The following MYOM1 variants were observed in gnomAD, a reference collection of about 807,000 sequenced individuals.
MYOM1 encodes the protein myomesin-1.
MYOM1 carries 164 observed loss-of-function variants against 205.3 expected under a neutral mutation model. The observed-to-expected ratio is 0.80, with a 90% confidence interval of 0.70 to 0.91. The LOEUF (loss-of-function observed/expected upper bound fraction) is 0.91, where lower values mean the gene tolerates loss of function less well. MYOM1 is among the 40% of genes least tolerant of loss of function. The pLI, the probability that MYOM1 is intolerant of heterozygous loss-of-function variation, is 0.00. For synonymous variants in MYOM1, 772 were observed against 789.4 expected (o/e 0.98, Z 0.37); for missense variants, 2,011 against 2,127.3 (o/e 0.95, Z 1.08).
At chr18:3,155,135 C>T (rs2080278208) in intron 10 of MYOM1, 47 bp from the exon 11 acceptor site, 1 of 1,550,644 alleles carries the variant, frequency 6.4e-7, no homozygotes. Context: ...GACATGCTGT[C>T]AGTCGGCAGG....
intron 14 of MYOM1, among the ~76,000 whole-genome samples, chr18:3,141,146 G>A (rs775544604): frequency 2.0e-4 from 31 of 152,056 alleles, no homozygotes; most frequent in Non-Finnish European, 3.4e-4. Flanking sequence ...TTGCGTGGCC[G>A]GCTCTCCTAT....
intron 19 of MYOM1, 24 bp downstream of exon 19, chr18:3,126,677 C>T (rs764793371): frequency 1.3e-6 from 2 of 1,598,650 alleles, no homozygotes; most frequent in Non-Finnish European, 1.7e-6. Flanking sequence ...GGACACGCCA[C>T]ACTACAGAAA....
At chr18:3,153,453 A>G (rs1183992897) in intron 11 of MYOM1, among the ~76,000 whole-genome samples, 1 of 152,228 alleles carries the variant, frequency 6.6e-6, no homozygotes, top group Non-Finnish European at 1.5e-5. Context: ...TGCTTAATAA[A>G]TAATAGCCAC....
intron 2 of MYOM1, among the ~76,000 whole-genome samples, chr18:3,214,150 A>C (rs914311572): frequency 4.6e-5 from 7 of 152,232 alleles, no homozygotes; most frequent in Non-Finnish European, 1.0e-4. Context: ...CCGAATTTTA[A>C]GTATTTGCTA....
At chr18:3,192,095 G>GT (rs2080919110) in intron 3 of MYOM1, among the ~76,000 whole-genome samples, 3 of 152,182 alleles carry the variant, frequency 2.0e-5, no homozygotes, top group Non-Finnish European at 2.9e-5. Flanking sequence ...GGGAGAAGAT[G>GT]TTAGGAGTAA....
At chr18:3,180,761 G>C (rs1480108163) in intron 5 of MYOM1, among the ~76,000 whole-genome samples, 1 of 151,942 alleles carries the variant, frequency 6.6e-6, no homozygotes, top group Admixed American at 6.6e-5. Context: ...TTTCCTTTAT[G>C]TGTGTAAAAC....
intron 37 of MYOM1, 42 bp from the exon 38 acceptor site, chr18:3,067,597 T>C: frequency 6.3e-7 from 1 of 1,580,636 alleles, no homozygotes; most frequent in Non-Finnish European, 8.6e-7. Context: ...ATAAATTAGA[T>C]GTAATAGACA....
chr18:3,231,690 C>T, the MYOM1 span, among the ~76,000 whole-genome samples: 3 of 151,698 alleles, frequency 2.0e-5, no homozygotes, highest in African/African-American at 4.8e-5. Context: ...ACTACAGGTG[C>T]GTGCCACCAC....
chr18:3,178,680 C>T (rs2080685845), intron 5 of MYOM1, among the ~76,000 whole-genome samples: 1 of 152,228 alleles, frequency 6.6e-6, no homozygotes, highest in Non-Finnish European at 1.5e-5. Flanking sequence ...CTTCAAGATT[C>T]AGATCAAATG....
intron 6 of MYOM1, among the ~76,000 whole-genome samples, chr18:3,175,198 G>A (rs1304211074): frequency 6.6e-6 from 1 of 152,160 alleles, no homozygotes; most frequent in Non-Finnish European, 1.5e-5. Flanking sequence ...ACCTGACTTT[G>A]GGTCAGGGTC....
intron 33 of MYOM1, among the ~76,000 whole-genome samples, chr18:3,079,725 T>C (rs561540403): frequency 6.6e-6 from 1 of 152,186 alleles, no homozygotes; most frequent in Non-Finnish European, 1.5e-5. Context: ...TTCATCTAGA[T>C]AATCTATGGC....
rs575956735 is a variant in MYOM1 at position 3,116,531 on chromosome 18, G to A, written c.3119-16C>T. On this transcript the variant is annotated splice_polypyrimidine_tract_variant and intron_variant, in intron 20 of 37. Transcript: ENST00000356443. ...TGCGGTGGTCCTGAGAGAGAGAGAA[G>A]CCAATGAGTAGAAATCATAACAGAG... 2 of 1,496,550 alleles carry A rather than the reference G, an allele frequency of 1.3e-6. No individual in the cohort carries two copies. The highest frequency in any genetic ancestry group is 1.8e-6 in the Non-Finnish European group (2 of 1,117,878). 92.7% of individuals were successfully genotyped at this position (1,496,550 alleles called of 1,614,324 possible).
At chr18:3,089,627 T>C (rs777403122) in intron 27 of MYOM1, 31 bp from the exon 28 acceptor site, 30 of 1,576,910 alleles carry the variant, frequency 1.9e-5, no homozygotes, top group Non-Finnish European at 2.6e-5. Flanking sequence ...AAGTGTGAAA[T>C]TGAGTTGGGT....
chr18:3,119,786 G>A, intron 20 of MYOM1, 83 bp downstream of exon 20: 1 of 1,511,538 alleles, frequency 6.6e-7, no homozygotes, highest in Middle Eastern at 2.5e-4. Flanking sequence ...TGACCATATA[G>A]TACTTTGAAT....
intron 10 of MYOM1, among the ~76,000 whole-genome samples, chr18:3,163,535 T>A (rs2144045537): frequency 6.6e-6 from 1 of 151,520 alleles, no homozygotes; most frequent in African/African-American, 2.4e-5. Context: ...CAACTTGAAC[T>A]TCTGCCTGCC....
At chr18:3,188,691 ACC>A in intron 4 of MYOM1, 55 bp downstream of exon 4, 3 of 1,329,732 alleles carry the variant, frequency 2.3e-6, no homozygotes, top group Non-Finnish European at 3.0e-6. Context: ...ACACACACAC[ACC>A]CCTTATGACA....
chr18:3,115,235 T>A (rs8098929), intron 21 of MYOM1, among the ~76,000 whole-genome samples: 132,781 of 152,192 alleles, frequency 0.87, 58,443 homozygotes, highest in East Asian at 0.97. Flanking sequence ...CATGAAAAGA[T>A]GACCTGTCTT....
rs9947129 is a variant in MYOM1, at chr18:3,164,672, C to T, written c.1340-233G>A. On this transcript the variant is annotated intron_variant, in intron 9 of 37. Coordinates refer to ENST00000356443, the MANE Select transcript of MYOM1 (RefSeq NM_003803.4). Reference sequence around the variant, plus strand: ...TCCGCAGGGGCCTCGTGTAAAATTACATTACAAGGCCCCTTGTTCAAAAAG... The same window carrying T: ...TCCGCAGGGGCCTCGTGTAAAATTATATTACAAGGCCCCTTGTTCAAAAAG... 0.43 allele frequency among the ~76,000 whole-genome samples: 65,734 copies of T among 151,998 alleles called. 16,204 individuals carry two copies. The highest frequency in any genetic ancestry group is 0.68 in the African/African-American group (28,113 of 41,468).
intron 21 of MYOM1, among the ~76,000 whole-genome samples, chr18:3,114,261 T>G (rs11081009): frequency 0.87 from 132,799 of 152,194 alleles, 58,456 homozygotes; most frequent in East Asian, 0.97. Flanking sequence ...TATTCCAGTG[T>G]CTGGTCCCTG....
Sources: allele counts gnomAD v4.1 joint callset (sites outside exome capture counted in the v4.1 genomes callset), GRCh38; gene constraint gnomAD v4.1.1; transcripts MANE v1.5; gene names NCBI Gene and HGNC (gene_info 2026-07-23, HGNC 2026-07-21).